The following ABHD17C variants were observed in gnomAD, a reference collection of about 807,000 sequenced individuals.
The protein encoded by ABHD17C is alpha/beta hydrolase domain-containing protein 17C.
Under a neutral mutation model 27.9 loss-of-function variants are expected in ABHD17C, and 11 were observed. The ratio of observed to expected loss-of-function variants is 0.39; its 90% confidence interval spans 0.25 to 0.65. ABHD17C has a LOEUF of 0.65. Among genes scored for constraint, ABHD17C ranks in the 30% least tolerant of loss-of-function variants. ABHD17C has a pLI of 0.45. For missense variants in ABHD17C, 280 were observed against 470.2 expected (o/e 0.60, Z 3.74); for synonymous variants, 233 against 209.1 (o/e 1.11, Z -0.98).
At chr15:80,738,971 A>G (rs536165875) in intron 1 of ABHD17C, among the ~76,000 whole-genome samples, 2 of 152,340 alleles carry the variant, frequency 1.3e-5, no homozygotes, top group East Asian at 1.9e-4. Flanking sequence ...TTTGAAGACA[A>G]AAGATGCCAG....
At chr15:80,726,123 C>T (rs1319551683) in intron 1 of ABHD17C, among the ~76,000 whole-genome samples, 12 of 152,216 alleles carry the variant, frequency 7.9e-5, no homozygotes, top group Admixed American at 7.9e-4. Context: ...ATAGATTGGG[C>T]TAGTTAACTG....
At chr15:80,700,445 G>A (rs969761799) in intron 1 of ABHD17C, among the ~76,000 whole-genome samples, 2 of 152,308 alleles carry the variant, frequency 1.3e-5, no homozygotes, top group Admixed American at 6.5e-5. Context: ...AGCTGTGGAG[G>A]AGAGAGGCGT....
chr15:80,695,520 G>A lies in ABHD17C; in HGVS notation c.91G>A (p.Ala31Thr), dbSNP rs1227720263. The A allele has an allele frequency of 1.5e-6, 2 of 1,374,248 alleles. No individual in the cohort carries two copies. Among genetic ancestry groups the A allele is most frequent in the Non-Finnish European group, 1.9e-6 (2 of 1,051,568 alleles). The allele number at this position is 1,374,248 out of a possible 1,614,324, so 85.1% of individuals were successfully genotyped here. ...CCPPCPSRIA[A>T]KLAFLPPEPT... is the part of the protein sequence containing the mutation. ...CCCGCCCTGCCCGAGCCGCATCGCC[G>A]CCAAGCTGGCCTTCCTGCCGCCCGA... is the stretch of plus-strand genomic sequence containing the variant. The change falls in exon 1 of 3, where the codon GCC (alanine) becomes ACC (threonine). Residue 31 changes from alanine to threonine, a missense_variant. Coordinates refer to ENST00000258884, the MANE Select transcript of ABHD17C (RefSeq NM_021214.2). This position sits in a 1 kb window ranked among gnomAD's most constrained non-coding sequence, Gnocchi z 4.3.
chr15:80,739,340 A>C (rs1412997416), intron 1 of ABHD17C, among the ~76,000 whole-genome samples: 1 of 152,078 alleles, frequency 6.6e-6, no homozygotes, highest in Non-Finnish European at 1.5e-5. Flanking sequence ...ACTGCCCTAC[A>C]TGTTGAATTT....
intron 1 of ABHD17C, among the ~76,000 whole-genome samples, chr15:80,706,352 G>GATAGTTAACTATTCA (rs1305165046): frequency 6.6e-6 from 1 of 152,156 alleles, no homozygotes; most frequent in East Asian, 1.9e-4. Flanking sequence ...ATGCTCAGAC[G>GATAGTTAACTATTCA]GATAGTTAAC....
At chr15:80,736,942 A>G (rs767062059) in intron 1 of ABHD17C, among the ~76,000 whole-genome samples, 2 of 152,210 alleles carry the variant, frequency 1.3e-5, no homozygotes, top group Non-Finnish European at 2.9e-5. Context: ...GTCAGCCTCC[A>G]TTGCAGGAAC....
intron 1 of ABHD17C, among the ~76,000 whole-genome samples, chr15:80,700,652 A>G (rs1343912250): frequency 6.6e-6 from 1 of 152,132 alleles, no homozygotes; most frequent in Non-Finnish European, 1.5e-5. Context: ...AAACCCAGCA[A>G]TTTGGGAGGC....
intron 1 of ABHD17C, among the ~76,000 whole-genome samples, chr15:80,748,097 G>A (rs1291197839): frequency 6.6e-6 from 1 of 152,156 alleles, no homozygotes; most frequent in Non-Finnish European, 1.5e-5. Flanking sequence ...CACAGCCCAG[G>A]TGTGGTGCTC....
chr15:80,695,519 C>G lies in ABHD17C; in HGVS notation c.90C>G (p.Ala30=), dbSNP rs1321746235. Residue 30 remains alanine (A), a synonymous_variant, in exon 1 of 3, where the codon GCC becomes GCG. Coordinates refer to ENST00000258884, the MANE Select transcript of ABHD17C (RefSeq NM_021214.2). The surrounding 1 kb of genome is among the most constrained non-coding windows in gnomAD (Gnocchi z 4.3). ...FCCPPCPSRI[A]AKLAFLPPEP... is the part of the protein sequence containing the mutation. Reference sequence around the variant, plus strand: ...GCCCGCCCTGCCCGAGCCGCATCGCCGCCAAGCTGGCCTTCCTGCCGCCCG... The same window carrying G: ...GCCCGCCCTGCCCGAGCCGCATCGCGGCCAAGCTGGCCTTCCTGCCGCCCG... 3 of 1,377,388 alleles carry G rather than the reference C, an allele frequency of 2.2e-6. No homozygotes were observed. Among genetic ancestry groups the G allele is most frequent in the African/African-American group, 1.5e-5 (1 of 64,862 alleles). 85.3% of individuals were successfully genotyped at this position (1,377,388 alleles called of 1,614,324 possible).
chr15:80,735,728 T>C (rs1370794070), intron 1 of ABHD17C, among the ~76,000 whole-genome samples: 1 of 152,206 alleles, frequency 6.6e-6, no homozygotes, highest in Non-Finnish European at 1.5e-5. Context: ...CTGAAGCTTT[T>C]TCCGACTTTC....
At chr15:80,709,723 C>CCTGCACCACT (rs1894705116) in intron 1 of ABHD17C, among the ~76,000 whole-genome samples, 1 of 152,134 alleles carries the variant, frequency 6.6e-6, no homozygotes, top group Non-Finnish European at 1.5e-5. Context: ...CCTCCTCCAC[C>CCTGCACCACT]CTGCACCACT....
At chr15:80,713,020 A>G (rs1408673374) in intron 1 of ABHD17C, among the ~76,000 whole-genome samples, 1 of 151,988 alleles carries the variant, frequency 6.6e-6, no homozygotes, top group East Asian at 1.9e-4. Context: ...ACATTCCACC[A>G]TTCTTACAGC....
Position 80,695,457 on chromosome 15 carries a change from G to A in ABHD17C, c.28G>A (p.Gly10Ser). The change falls in exon 1 of 3, where the codon GGC (glycine) becomes AGC (serine). Residue 10 changes from glycine (G) to serine (S), a missense_variant. By Grantham distance (56) the Gly-to-Ser change is moderately conservative (BLOSUM62 0). Around this residue, in one of 2 missense-constraint regions of ABHD17C, gnomAD observed 74 missense variants for 75.5 expected, o/e 0.98. Transcript: ENST00000258884. This position sits in a 1 kb window ranked among gnomAD's most constrained non-coding sequence, Gnocchi z 4.3. MPEPGPRMN[G>S]FSLGELCWLF... ...GCCCGAGCCAGGCCCCAGGATGAAC[G>A]GCTTCTCGCTGGGTGAGCTGTGCTG... 1 of 1,371,836 alleles carries A rather than the reference G, an allele frequency of 7.3e-7. No individual in the cohort carries two copies. Among genetic ancestry groups the A allele is most frequent in the Non-Finnish European group, 9.5e-7 (1 of 1,049,940 alleles). The allele number at this position is 1,371,836 out of a possible 1,614,324, so 85.0% of individuals were successfully genotyped here.
At chr15:80,710,013 A>G (rs966618722) in intron 1 of ABHD17C, among the ~76,000 whole-genome samples, 2 of 152,222 alleles carry the variant, frequency 1.3e-5, no homozygotes, top group East Asian at 3.8e-4. Flanking sequence ...TTCAAATATG[A>G]TAAGTGCTAG....
Position 80,754,669 on chromosome 15 carries a change from G to T in ABHD17C, c.*299G>T, listed in dbSNP as rs545102566. ...TGCTGTATAAAGTAGCCTCGCATCTGTTTCTCAACCTTATCCATCATTTCT... is the reference window on the plus strand; with the variant it reads ...TGCTGTATAAAGTAGCCTCGCATCTTTTTCTCAACCTTATCCATCATTTCT... On this transcript the variant is annotated 3_prime_UTR_variant, in exon 3 of 3. Transcript: ENST00000258884. 1.1e-5 allele frequency: 3 copies of T among 271,734 alleles called. No individual in the cohort carries two copies. Among genetic ancestry groups the T allele is most frequent in the Middle Eastern group, 2.3e-3 (2 of 856 alleles). The allele number at this position is 271,734 out of a possible 1,614,324, so 16.8% of individuals were successfully genotyped here. A position where few individuals can be genotyped will look rare whatever the true frequency, so the allele number is the denominator to read the frequency against.
intron 1 of ABHD17C, among the ~76,000 whole-genome samples, chr15:80,701,920 T>C (rs1894579010): frequency 6.6e-6 from 1 of 152,240 alleles, no homozygotes; most frequent in Non-Finnish European, 1.5e-5. Context: ...TCTTTTGTCA[T>C]ACCTGGCTCT....
intron 1 of ABHD17C, among the ~76,000 whole-genome samples, chr15:80,701,494 C>A (rs929364413): frequency 8.6e-5 from 13 of 151,924 alleles, no homozygotes; most frequent in Admixed American, 2.6e-4. Context: ...GCCTGGCCAA[C>A]ATGGTGAAAC....
chr15:80,712,592 G>A (rs973801146), intron 1 of ABHD17C, among the ~76,000 whole-genome samples: 2 of 152,206 alleles, frequency 1.3e-5, no homozygotes, highest in Admixed American at 6.5e-5. Context: ...AGAGGAGAAG[G>A]GGAATGTTTG....
intron 1 of ABHD17C, among the ~76,000 whole-genome samples, chr15:80,721,130 CTTTG>C (rs902798380): frequency 6.6e-5 from 10 of 151,164 alleles, no homozygotes; most frequent in African/African-American, 2.4e-4. Flanking sequence ...TTTTTGTCTA[CTTTG>C]TTTGATATTC....
Sources: gnomAD v4.1 joint callset for allele counts (sites outside exome capture counted in the v4.1 genomes callset) on GRCh38, gnomAD v4.1.1 for gene constraint, gnomAD v4.1.1 regional missense constraint, Gnocchi (gnomAD v3.1) non-coding constraint, MANE v1.5 for transcripts, NCBI Gene and HGNC (gene_info 2026-07-23, HGNC 2026-07-21) for gene names.